The following C12orf54 variants were observed in gnomAD, a reference collection of about 807,000 sequenced individuals.
C12orf54 encodes the protein uncharacterized protein C12orf54.
A neutral mutation model predicts 26.4 loss-of-function variants in C12orf54; 24 were observed. The ratio of observed to expected loss-of-function variants is 0.91; its 90% CI spans 0.66 to 1.28. C12orf54 has a LOEUF of 1.28. Ranked by LOEUF, C12orf54 falls within the 50% of genes most tolerant of loss-of-function variation. The pLI is 0.00. For synonymous variants in C12orf54, 54 were observed against 47.0 expected (o/e 1.15, Z -0.61); for missense variants, 154 against 150.9 (o/e 1.02, Z -0.11).
the C12orf54 span, among the ~76,000 whole-genome samples, chr12:48,467,965 G>C: frequency 6.6e-6 from 1 of 152,116 alleles, no homozygotes; most frequent in African/African-American, 2.4e-5. Flanking sequence ...TAATGCGATG[G>C]CTTCCCACCC....
Position 48,486,212 on chromosome 12 carries a change from G to A in C12orf54, c.96+4G>A. 6.2e-7 allele frequency: 1 copy of A among 1,609,502 alleles called. No homozygotes were observed. Among genetic ancestry groups the A allele is most frequent in the South Asian group, 1.1e-5 (1 of 90,980 alleles). On this transcript the variant is annotated splice_donor_region_variant and intron_variant, in intron 3 of 8. Transcript: ENST00000548364. ...AGAAGAGACAATGAGACCACAGGTGGGTAAGGTATCCAAATTCTCTGGATC... is the reference window on the plus strand; with the variant it reads ...AGAAGAGACAATGAGACCACAGGTGAGTAAGGTATCCAAATTCTCTGGATC...
At chr12:48,439,672 T>C in the C12orf54 span, among the ~76,000 whole-genome samples, 1 of 152,180 alleles carries the variant, frequency 6.6e-6, no homozygotes, top group African/African-American at 2.4e-5. Flanking sequence ...CCGCATGTTC[T>C]CACTCATAGG....
intron 4 of C12orf54, chr12:48,488,354 C>A (rs1050261512): frequency 3.2e-5 from 16 of 507,790 alleles, no homozygotes; most frequent in African/African-American, 2.9e-4. Context: ...CTGGTGCCGA[C>A]AAGAAAGCCA....
chr12:48,462,595 A>G, the C12orf54 span, among the ~76,000 whole-genome samples: 5 of 151,742 alleles, frequency 3.3e-5, no homozygotes, highest in Non-Finnish European at 7.4e-5. Flanking sequence ...TCAAAAATTA[A>G]TATTATATAC....
chr12:48,473,576 GA>G, the C12orf54 span: 1 of 299,608 alleles, frequency 3.3e-6, no homozygotes, highest in Non-Finnish European at 6.5e-6. Flanking sequence ...TGAGGGAAGG[GA>G]GGGGAGGAGG....
chr12:48,422,940 C>T, the C12orf54 span, among the ~76,000 whole-genome samples: 2 of 152,076 alleles, frequency 1.3e-5, no homozygotes, highest in Admixed American at 6.5e-5. Flanking sequence ...ACAGCTAATA[C>T]ATTTGGTAAA....
the C12orf54 span, among the ~76,000 whole-genome samples, chr12:48,457,049 T>A: frequency 6.6e-5 from 10 of 152,152 alleles, no homozygotes; most frequent in African/African-American, 1.9e-4. Context: ...AAATCATGCA[T>A]TAAGTTTAGT....
chr12:48,465,287 A>T, the C12orf54 span, among the ~76,000 whole-genome samples: 4 of 152,234 alleles, frequency 2.6e-5, no homozygotes, highest in Non-Finnish European at 5.9e-5. Flanking sequence ...GAAGACATAC[A>T]TGCAGCCAAG....
the C12orf54 span, among the ~76,000 whole-genome samples, chr12:48,460,715 C>T: frequency 3.9e-5 from 6 of 152,058 alleles, no homozygotes; most frequent in Admixed American, 3.9e-4. Context: ...ATAAAGTCTA[C>T]TTGAAGGTAG....
At chr12:48,484,882 T>A (rs1268005124) in intron 2 of C12orf54, among the ~76,000 whole-genome samples, 2 of 152,130 alleles carry the variant, frequency 1.3e-5, no homozygotes, top group East Asian at 1.9e-4. Context: ...AATAAAAGGA[T>A]GTTTTCAGAA....
the C12orf54 span, among the ~76,000 whole-genome samples, chr12:48,455,046 T>C: frequency 6.6e-6 from 1 of 152,176 alleles, no homozygotes; most frequent in Admixed American, 6.6e-5. Flanking sequence ...GTACAAATGA[T>C]TTCATCATCC....
intron 4 of C12orf54, chr12:48,488,292 C>CG (rs1307837080): frequency 7.1e-6 from 4 of 567,002 alleles, no homozygotes; most frequent in Non-Finnish European, 9.9e-6. Flanking sequence ...ATCTGGAAGA[C>CG]TTACAAGAGG....
the C12orf54 span, among the ~76,000 whole-genome samples, chr12:48,431,974 A>C: frequency 5.3e-5 from 8 of 152,194 alleles, no homozygotes; most frequent in African/African-American, 1.9e-4. Flanking sequence ...TGTATAAATT[A>C]TAATCTCAAT....
At chr12:48,441,415 A>G in the C12orf54 span, among the ~76,000 whole-genome samples, 1 of 151,982 alleles carries the variant, frequency 6.6e-6, no homozygotes, top group African/African-American at 2.4e-5. Context: ...GTGAATAGAG[A>G]CCGTGCCACT....
At chr12:48,453,934 T>C in the C12orf54 span, among the ~76,000 whole-genome samples, 2 of 152,100 alleles carry the variant, frequency 1.3e-5, no homozygotes, top group Non-Finnish European at 2.9e-5. Context: ...AAGTGCCTTC[T>C]TTTGATTTAG....
At chr12:48,447,274 G>A in the C12orf54 span, among the ~76,000 whole-genome samples, 50,673 of 150,196 alleles carry the variant, frequency 0.34, 10,617 homozygotes, top group Middle Eastern at 0.48. Flanking sequence ...ATGACACCGT[G>A]AGGAGGTGGC....
chr12:48,467,523 A>T, the C12orf54 span, among the ~76,000 whole-genome samples: 1 of 152,188 alleles, frequency 6.6e-6, no homozygotes, highest in South Asian at 2.1e-4. Context: ...GAATGAAAGA[A>T]CCTGTACCAT....
chr12:48,485,770 T>G (rs759319467), intron 2 of C12orf54, among the ~76,000 whole-genome samples: 10 of 152,150 alleles, frequency 6.6e-5, no homozygotes, highest in Non-Finnish European at 1.5e-4. Context: ...GAACACTTTT[T>G]CGGGGGATAA....
chr12:48,494,307 T>G (rs935167488), intron 7 of C12orf54, among the ~76,000 whole-genome samples: 1 of 152,044 alleles, frequency 6.6e-6, no homozygotes, highest in Non-Finnish European at 1.5e-5. Context: ...TTGAACAGAA[T>G]TTGTCCCTAT....
Sources: allele counts gnomAD v4.1 joint callset (sites outside exome capture counted in the v4.1 genomes callset), GRCh38; gene constraint gnomAD v4.1.1; transcripts MANE v1.5; gene names NCBI Gene and HGNC (gene_info 2026-07-23, HGNC 2026-07-21).